RNF122: variants seen among roughly 807,000 people sequenced by gnomAD.
RNF122 encodes ring finger protein 122.
RNF122 carries 17 observed loss-of-function variants against 24.2 expected under a neutral mutation model. The ratio of observed to expected loss-of-function variants is 0.70; its 90% confidence interval spans 0.48 to 1.06. The LOEUF (loss-of-function observed/expected upper bound fraction) is 1.06. Among genes scored for constraint, RNF122 ranks in the 50% least tolerant of loss-of-function variants. RNF122 has a pLI of 0.00. For synonymous variants in RNF122, 65 were observed against 71.8 expected (o/e 0.91, Z 0.48); for missense variants, 168 against 198.1 (o/e 0.85, Z 0.91).
intron 1 of RNF122, among the ~76,000 whole-genome samples, chr8:33,559,839 TG>T (rs1388684285): frequency 3.4e-5 from 4 of 118,358 alleles, no homozygotes; most frequent in Non-Finnish European, 5.0e-5. Flanking sequence ...GGACCTACGC[TG>T]TTTTTTTTTT....
intron 2 of RNF122, 26 bp downstream of exon 2, chr8:33,558,589 C>A (rs1161510488): frequency 5.1e-6 from 8 of 1,571,196 alleles, no homozygotes; most frequent in African/African-American, 2.7e-5. Context: ...TGGACTCCCA[C>A]CCCGGTCAGC....
intron 2 of RNF122, among the ~76,000 whole-genome samples, chr8:33,557,738 A>G (rs971439910): frequency 6.6e-6 from 1 of 151,964 alleles, no homozygotes. Context: ...GAGCCCTGCC[A>G]AACTCCAGGT....
chr8:33,566,775 A>C lies in RNF122; in HGVS notation c.-52T>G. 1 of 1,574,840 alleles carries C rather than the reference A, an allele frequency of 6.3e-7. No homozygotes were observed. The highest frequency in any genetic ancestry group is 8.6e-7 in the Non-Finnish European group (1 of 1,158,870). On this transcript the variant is annotated 5_prime_UTR_variant, in exon 1 of 6. Transcript: ENST00000256257. ...GGCGAACGGACGCAGGCGGGGTGCC[A>C]GGAGGGCGGGGTGGGAGCACTAGCG... is the stretch of plus-strand genomic sequence containing the variant.
chr8:33,551,262 G>A, intron 3 of RNF122, 82 bp downstream of exon 3: 2 of 1,559,050 alleles, frequency 1.3e-6, no homozygotes, highest in Non-Finnish European at 8.8e-7. Context: ...TCCTGCCCAG[G>A]AGAACCTGAG....
intron 1 of RNF122, among the ~76,000 whole-genome samples, chr8:33,559,183 G>A (rs904036192): frequency 1.2e-4 from 19 of 152,042 alleles, no homozygotes; most frequent in Non-Finnish European, 4.4e-5. Context: ...GTACTACCAT[G>A]TAGTCCCAGC....
chr8:33,556,976 T>C (rs1440530), intron 2 of RNF122, among the ~76,000 whole-genome samples: 76,899 of 152,004 alleles, frequency 0.51, 19,988 homozygotes, highest in Non-Finnish European at 0.57. Context: ...CTCTTGTAGC[T>C]GCCTTCTAGC....
chr8:33,563,343 G>A (rs1810569766), intron 1 of RNF122, among the ~76,000 whole-genome samples: 1 of 152,150 alleles, frequency 6.6e-6, no homozygotes, highest in African/African-American at 2.4e-5. Flanking sequence ...ACTGCCCTCC[G>A]CTAATGGATC....
intron 2 of RNF122, among the ~76,000 whole-genome samples, chr8:33,558,395 G>T (rs1481597875): frequency 6.6e-6 from 1 of 152,148 alleles, no homozygotes; most frequent in Non-Finnish European, 1.5e-5. Context: ...CCAACCCGTG[G>T]TGACCTTATA....
At chr8:33,560,588 A>C (rs1041590865) in intron 1 of RNF122, among the ~76,000 whole-genome samples, 1 of 151,464 alleles carries the variant, frequency 6.6e-6, no homozygotes, top group Non-Finnish European at 1.5e-5. Context: ...TGTCTCTCAG[A>C]GACACCTAGA....
intron 2 of RNF122, among the ~76,000 whole-genome samples, chr8:33,557,608 A>T (rs1810474755): frequency 6.7e-6 from 1 of 149,210 alleles, no homozygotes; most frequent in South Asian, 2.1e-4. Context: ...AGCCTGGGTG[A>T]TGAAGTGAGA....
chr8:33,551,309 A>G (rs1346431303), intron 3 of RNF122, 35 bp downstream of exon 3: 3 of 1,612,536 alleles, frequency 1.9e-6, no homozygotes, highest in Non-Finnish European at 2.5e-6. Flanking sequence ...GGTCAGGCAG[A>G]GAAGGAAGCT....
intron 2 of RNF122, among the ~76,000 whole-genome samples, chr8:33,555,069 G>A (rs1324123617): frequency 6.6e-6 from 1 of 152,208 alleles, no homozygotes; most frequent in Non-Finnish European, 1.5e-5. Flanking sequence ...CAGGCTTCAG[G>A]CAGGCTACAG....
chr8:33,563,325 G>T (rs528385171), intron 1 of RNF122, among the ~76,000 whole-genome samples: 3 of 152,260 alleles, frequency 2.0e-5, no homozygotes, highest in African/African-American at 4.8e-5. Flanking sequence ...TGGGAAAATT[G>T]CCCAGAAACT....
At chr8:33,558,530 TGG>T (rs1442185002) in intron 2 of RNF122, 83 bp downstream of exon 2, 18 of 1,202,656 alleles carry the variant, frequency 1.5e-5, no homozygotes, top group Non-Finnish European at 2.0e-5. Flanking sequence ...GACTCTGCTG[TGG>T]GACCCTCGCT....
In RNF122 at chr8:33,558,012, G is replaced by A. The variant is rs1464168904; in HGVS notation, c.182+603C>T. Among the ~76,000 whole-genome samples, 9 of 152,138 alleles carry A rather than the reference G, an allele frequency of 5.9e-5. No individual in the cohort carries two copies. The South Asian group carries it at 1.2e-3, about 21-fold the overall frequency. The stretch of plus-strand genomic sequence containing the variant: ...ACAAAAACTAGCCAGGCGTGGTGGC[G>A]TGCGCCTATAATCCCAGCTACTTGG... On this transcript the variant is annotated intron_variant, in intron 2 of 5. Coordinates refer to ENST00000256257, the MANE Select transcript of RNF122 (RefSeq NM_024787.3).
Position 33,558,759 on chromosome 8 carries a change from C to A in RNF122, c.38G>T (p.Gly13Val), listed in dbSNP as rs745685003. 6.3e-7 allele frequency: 1 copy of A among 1,578,874 alleles called. No individual in the cohort carries two copies. Among genetic ancestry groups the A allele is most frequent in the Non-Finnish European group, 8.6e-7 (1 of 1,160,598 alleles). Residue 13 changes from glycine to valine, a missense_variant, in exon 2 of 6, where the codon GGC becomes GTC. Coordinates refer to ENST00000256257, the MANE Select transcript of RNF122 (RefSeq NM_024787.3). ...PFQWCNGCFC[G>V]LGLVSTNKSC... ...CTTGTTGGTGCTAACCAGTCCCAGG[C>A]CACAGAAACACCCTGCAAAGGGAGA... is the stretch of plus-strand genomic sequence containing the variant.
rs1021366227 is a variant in RNF122, at chr8:33,558,648, A to G, written c.149T>C (p.Met50Thr). The G allele has an allele frequency of 1.9e-6, 3 of 1,611,778 alleles. No homozygotes were observed. Among genetic ancestry groups the G allele is most frequent in the African/African-American group, 1.3e-5 (1 of 74,808 alleles). Residue 50 changes from methionine (M) to threonine (T), a missense_variant, in exon 2 of 6, where the codon ATG becomes ACG. Met to Thr is a moderately conservative substitution (Grantham distance 81). Transcript: ENST00000256257. ...ATAGCAGCAGAAGATAAGGCTGAGC[A>G]TGAAGACAAAGATGCCTGTGCCGAA... ...VIFGTGIFVF[M>T]LSLIFCCYFI...
intron 1 of RNF122, among the ~76,000 whole-genome samples, chr8:33,563,956 TC>T (rs1261685218): frequency 1.3e-5 from 2 of 152,150 alleles, no homozygotes; most frequent in African/African-American, 2.4e-5. Flanking sequence ...GATAAAGGCT[TC>T]CCCTTTATCT....
At chr8:33,550,099 A>G (rs1345910558) in intron 4 of RNF122, among the ~76,000 whole-genome samples, 1 of 151,898 alleles carries the variant, frequency 6.6e-6, no homozygotes, top group African/African-American at 2.4e-5. Context: ...ACACCCAGCT[A>G]ATTTTGTATT....
Sources: gnomAD v4.1 joint callset for allele counts (sites outside exome capture counted in the v4.1 genomes callset) on GRCh38, gnomAD v4.1.1 for gene constraint, MANE v1.5 for transcripts, NCBI Gene and HGNC (gene_info 2026-07-23, HGNC 2026-07-21) for gene names.